The following BICC1 variants were observed in gnomAD, a reference collection of about 807,000 sequenced individuals.
The protein encoded by BICC1 is BicC family RNA binding protein 1.
In BICC1, 43 loss-of-function variants were observed where a neutral mutation model predicts 111.0. The ratio of observed to expected loss-of-function variants is 0.39; its 90% CI spans 0.30 to 0.50. The LOEUF (loss-of-function observed/expected upper bound fraction) is 0.50, where lower values mean the gene tolerates loss of function less well. Among genes scored for constraint, BICC1 ranks in the 20% least tolerant of loss-of-function variants. The pLI, the probability that BICC1 is intolerant of heterozygous loss-of-function variation, is 0.88. For synonymous variants in BICC1, 467 were observed against 434.4 expected, an observed-to-expected ratio of 1.07 and a Z score of -0.93; for missense variants, 1,091 against 1,203.2, an observed-to-expected ratio of 0.91 and a Z score of 1.38.
chr10:58,604,534 G>A (rs951167540), intron 1 of BICC1, among the ~76,000 whole-genome samples: 11 of 152,130 alleles, frequency 7.2e-5, no homozygotes, highest in Admixed American at 3.3e-4. Context: ...GGTGGCGGGC[G>A]CCTGTAGTCC....
chr10:58,727,456 G>A (rs1841141850), intron 3 of BICC1, among the ~76,000 whole-genome samples: 1 of 151,912 alleles, frequency 6.6e-6, no homozygotes, highest in Non-Finnish European at 1.5e-5. Flanking sequence ...GTGTGGTAGT[G>A]TGTGCCTGCA....
intron 1 of BICC1, among the ~76,000 whole-genome samples, chr10:58,556,142 T>C (rs1270393693): frequency 6.6e-6 from 1 of 152,006 alleles, no homozygotes; most frequent in Non-Finnish European, 1.5e-5. Context: ...ACCTCCTAGG[T>C]TGAGTTTAAA....
intron 2 of BICC1, among the ~76,000 whole-genome samples, chr10:58,621,956 G>GAACAGAACAGAACAGAAC (rs1322190352): frequency 2.0e-5 from 1 of 51,156 alleles, no homozygotes; most frequent in Admixed American, 1.9e-4. Context: ...GAATAGAATA[G>GAACAGAACAGAACAGAAC]AATAGAATAG....
chr10:58,769,159 G>A (rs1050092903), intron 3 of BICC1, among the ~76,000 whole-genome samples: 10 of 151,744 alleles, frequency 6.6e-5, no homozygotes, highest in Admixed American at 3.3e-4. Context: ...GGAGATGTTG[G>A]TCAAAGGATA....
intron 2 of BICC1, among the ~76,000 whole-genome samples, chr10:58,662,770 A>G (rs912593519): frequency 2.0e-5 from 3 of 152,206 alleles, no homozygotes; most frequent in African/African-American, 2.4e-5. Flanking sequence ...ATCATGAGAT[A>G]ATATAGGAGA....
intron 2 of BICC1, among the ~76,000 whole-genome samples, chr10:58,661,375 C>T (rs1185910749): frequency 6.6e-6 from 1 of 152,036 alleles, no homozygotes; most frequent in Admixed American, 6.6e-5. Context: ...CTAACCCCAC[C>T]TCCTTTAGGA....
At chr10:58,542,150 C>CAAAAAAAAAAAAAAAAAAAA (rs149049552) in intron 1 of BICC1, among the ~76,000 whole-genome samples, 1 of 82,366 alleles carries the variant, frequency 1.2e-5, no homozygotes, top group Non-Finnish European at 2.2e-5. Context: ...GACCCTGTCT[C>CAAAAAAAAAAAAAAAAAAAA]AAAAAAAAAA....
At chr10:58,802,825 C>CA (rs1843590869) in intron 14 of BICC1, among the ~76,000 whole-genome samples, 1 of 152,206 alleles carries the variant, frequency 6.6e-6, no homozygotes, top group Non-Finnish European at 1.5e-5. Context: ...GCCCTACAGT[C>CA]AGAGTGCCCA....
chr10:58,765,951 A>G (rs1200304202), intron 3 of BICC1, among the ~76,000 whole-genome samples: 1 of 152,232 alleles, frequency 6.6e-6, no homozygotes, highest in Non-Finnish European at 1.5e-5. Flanking sequence ...TCTCTTTTCC[A>G]GGCACACAAT....
intron 2 of BICC1, among the ~76,000 whole-genome samples, chr10:58,657,966 G>A (rs979731882): frequency 6.6e-6 from 1 of 152,180 alleles, no homozygotes; most frequent in Non-Finnish European, 1.5e-5. Context: ...GGAGGATTCT[G>A]TACTCTTCTC....
chr10:58,543,757 C>G (rs1052252572), intron 1 of BICC1, among the ~76,000 whole-genome samples: 2 of 150,126 alleles, frequency 1.3e-5, no homozygotes, highest in Non-Finnish European at 3.0e-5. Context: ...ATCCTCCTGT[C>G]TCGGCCTCTC....
At chr10:58,688,722 C>A (rs563094299) in intron 2 of BICC1, among the ~76,000 whole-genome samples, 1 of 152,254 alleles carries the variant, frequency 6.6e-6, no homozygotes, top group East Asian at 1.9e-4. Flanking sequence ...GAGTTCATGT[C>A]CTTTGCAGGG....
At chr10:58,707,934 T>C (rs944222240) in intron 3 of BICC1, among the ~76,000 whole-genome samples, 19 of 152,058 alleles carry the variant, frequency 1.2e-4, no homozygotes, top group African/African-American at 4.6e-4. Flanking sequence ...CGACCTCAGG[T>C]ATTTCAGCCA....
intron 2 of BICC1, among the ~76,000 whole-genome samples, chr10:58,668,609 G>A (rs1175648495): frequency 6.6e-6 from 1 of 152,010 alleles, no homozygotes; most frequent in African/African-American, 2.4e-5. Flanking sequence ...ATCTTATTTG[G>A]GAAAAGTGTT....
At chr10:58,551,508 ATC>A (rs1843294491) in intron 1 of BICC1, among the ~76,000 whole-genome samples, 1 of 152,182 alleles carries the variant, frequency 6.6e-6, no homozygotes, top group Non-Finnish European at 1.5e-5. Flanking sequence ...CACATTTAAA[ATC>A]TGTTTTCTTC....
At chr10:58,631,839 A>G (rs889500562) in intron 2 of BICC1, among the ~76,000 whole-genome samples, 3 of 152,244 alleles carry the variant, frequency 2.0e-5, no homozygotes, top group African/African-American at 4.8e-5. Context: ...TCCAGTGAAT[A>G]AGAACACTTT....
intron 1 of BICC1, among the ~76,000 whole-genome samples, chr10:58,593,805 A>G (rs1269480546): frequency 1.3e-5 from 2 of 152,000 alleles, no homozygotes; most frequent in Non-Finnish European, 1.5e-5. Flanking sequence ...CAAAAACCAG[A>G]ACGCCTCTTC....
At chr10:58,660,377 A>G (rs1838802358) in intron 2 of BICC1, among the ~76,000 whole-genome samples, 1 of 151,938 alleles carries the variant, frequency 6.6e-6, no homozygotes, top group African/African-American at 2.4e-5. Context: ...CTGGCCCTGG[A>G]TCACCTCTCC....
intron 2 of BICC1, among the ~76,000 whole-genome samples, chr10:58,666,705 G>A (rs540886903): frequency 1.3e-5 from 2 of 152,156 alleles, no homozygotes; most frequent in Non-Finnish European, 2.9e-5. Flanking sequence ...CCTGTTAAAT[G>A]GAATAGTGAG....
Sources: gnomAD v4.1 joint callset for allele counts (sites outside exome capture counted in the v4.1 genomes callset) on GRCh38, gnomAD v4.1.1 for gene constraint, MANE v1.5 for transcripts, NCBI Gene and HGNC (gene_info 2026-07-23, HGNC 2026-07-21) for gene names.